LARS2: variants seen among roughly 807,000 people sequenced by gnomAD.
LARS2 encodes leucine--tRNA ligase, mitochondrial.
Under a neutral mutation model 116.6 loss-of-function variants are expected in LARS2, and 81 were observed. The observed-to-expected ratio is 0.69, with a 90% CI of 0.58 to 0.84. The LOEUF (loss-of-function observed/expected upper bound fraction) is 0.84. Ranked by LOEUF, LARS2 falls within the 40% of genes least tolerant of loss-of-function variation. LARS2 has a pLI of 0.00. For synonymous variants in LARS2, 396 were observed against 407.2 expected (o/e 0.97, Z 0.33); for missense variants, 968 against 1,114.5 (o/e 0.87, Z 1.87).
At chr3:45,536,916 T>G (rs191631817) in intron 20 of LARS2, among the ~76,000 whole-genome samples, 1 of 152,288 alleles carries the variant, frequency 6.6e-6, no homozygotes, top group East Asian at 1.9e-4. Context: ...TTACTGTTCT[T>G]TAGAGTAGTT....
intron 20 of LARS2, among the ~76,000 whole-genome samples, chr3:45,537,457 T>C (rs115360691): frequency 0.048 from 7,311 of 152,298 alleles, 183 homozygotes; most frequent in Middle Eastern, 0.085. Context: ...AACGTAAAAA[T>C]CATGTAAAAG....
At chr3:45,400,901 C>A (rs533237073) in intron 4 of LARS2, among the ~76,000 whole-genome samples, 4 of 152,042 alleles carry the variant, frequency 2.6e-5, no homozygotes, top group Non-Finnish European at 4.4e-5. Context: ...GCAACCTCCC[C>A]CTCCCGGGTT....
chr3:45,469,534 C>T (rs3774690), intron 8 of LARS2, among the ~76,000 whole-genome samples: 40,588 of 151,840 alleles, frequency 0.27, 5,751 homozygotes, highest in Middle Eastern at 0.4. Context: ...TTGTTAGAGA[C>T]GGGGTTTCAC....
At chr3:45,414,114 T>C (rs540302198) in intron 4 of LARS2, among the ~76,000 whole-genome samples, 12 of 152,342 alleles carry the variant, frequency 7.9e-5, no homozygotes, top group African/African-American at 2.9e-4. Context: ...GTTAAGAGTA[T>C]ATACAAAGAT....
intron 21 of LARS2, among the ~76,000 whole-genome samples, chr3:45,545,276 G>T (rs753706017): frequency 2.0e-5 from 3 of 152,256 alleles, no homozygotes; most frequent in Non-Finnish European, 2.9e-5. Flanking sequence ...GATGGGGACA[G>T]GTGATGGATT....
intron 20 of LARS2, among the ~76,000 whole-genome samples, chr3:45,530,417 G>A (rs987061675): frequency 2.0e-5 from 3 of 152,152 alleles, no homozygotes; most frequent in Non-Finnish European, 4.4e-5. Flanking sequence ...ATACTCAGGA[G>A]GCTGAGGCAG....
intron 5 of LARS2, 105 bp downstream of exon 5, chr3:45,417,678 G>C: frequency 1.5e-6 from 1 of 687,442 alleles, no homozygotes; most frequent in Non-Finnish European, 2.6e-6. Context: ...AAACACTGCA[G>C]CGTACCAAGA....
chr3:45,548,357 G>A lies in LARS2; in HGVS notation c.*827G>A, dbSNP rs1201505601. The A allele has an allele frequency of 6.6e-6, 1 of 152,304 alleles. No individual in the cohort carries two copies. The highest frequency in any genetic ancestry group is 1.5e-5 in the Non-Finnish European group (1 of 68,100). 9.4% of individuals were successfully genotyped at this position (152,304 alleles called of 1,614,324 possible). On this transcript the variant is annotated 3_prime_UTR_variant, in exon 22 of 22. Coordinates refer to ENST00000645846, the MANE Select transcript of LARS2 (RefSeq NM_015340.4). ...GAAGTGGAACCAGGCTCAGGCTGCT[G>A]GTCCCAACCTCAGAGCCCCACCGCA...
chr3:45,412,763 A>T (rs949072453), intron 4 of LARS2, among the ~76,000 whole-genome samples: 2 of 152,204 alleles, frequency 1.3e-5, no homozygotes, highest in Non-Finnish European at 2.9e-5. Context: ...CAAGCTTGAG[A>T]GGTCCACAGG....
At chr3:45,445,069 C>T (rs1230501028) in intron 6 of LARS2, among the ~76,000 whole-genome samples, 1 of 152,130 alleles carries the variant, frequency 6.6e-6, no homozygotes. Context: ...ACCCCTTACC[C>T]ACATCCCCTA....
chr3:45,480,441 T>C (rs1699680135), intron 10 of LARS2, among the ~76,000 whole-genome samples: 2 of 152,244 alleles, frequency 1.3e-5, no homozygotes, highest in Non-Finnish European at 2.9e-5. Context: ...TTCTTTCCAG[T>C]GGGTGCCCTG....
chr3:45,470,799 A>G (rs1243580612), intron 8 of LARS2, among the ~76,000 whole-genome samples: 1 of 152,152 alleles, frequency 6.6e-6, no homozygotes, highest in African/African-American at 2.4e-5. Context: ...ATTAGAGGAG[A>G]GAAAGGGCAT....
intron 15 of LARS2, among the ~76,000 whole-genome samples, chr3:45,501,005 T>C (rs908622263): frequency 5.9e-5 from 9 of 151,676 alleles, no homozygotes; most frequent in Admixed American, 4.6e-4. Context: ...GAGAATCACA[T>C]TGTAAAAACA....
chr3:45,476,554 G>C lies in LARS2; in HGVS notation c.945G>C (p.Ser315=), dbSNP rs145135580. 2.9e-3 allele frequency: 4,607 copies of C among 1,614,020 alleles called. 27 individuals are homozygous for C. The highest frequency in any genetic ancestry group is 2.5e-3 in the Non-Finnish European group (2,932 of 1,180,010). ...ATGGCACCTCCCACGTGGCCATCTC[G>C]CCCAGCCACAGACTCCTACATGGGC... is the stretch of plus-strand genomic sequence containing the variant. ...AIYGTSHVAI[S]PSHRLLHGHS... Residue 315 remains serine (S), a synonymous_variant, in exon 10 of 22, where the codon TCG becomes TCC. Coordinates refer to ENST00000645846, the MANE Select transcript of LARS2 (RefSeq NM_015340.4).
chr3:45,398,340 T>C (rs1447299330), intron 3 of LARS2, among the ~76,000 whole-genome samples: 1 of 152,228 alleles, frequency 6.6e-6, no homozygotes, highest in African/African-American at 2.4e-5. Flanking sequence ...ATTTGGTTTA[T>C]GTGTATTATC....
chr3:45,485,912 C>A, intron 11 of LARS2, 116 bp downstream of exon 11: 1 of 584,038 alleles, frequency 1.7e-6, no homozygotes. Context: ...TCTGATTTGC[C>A]TCCTCATAAA....
At chr3:45,509,664 G>A (rs1399018332) in intron 15 of LARS2, 1 of 152,108 alleles carries the variant, frequency 6.6e-6, no homozygotes, top group African/African-American at 2.4e-5. Flanking sequence ...CTACGCATGA[G>A]AGTAGACATG....
Position 45,400,313 on chromosome 3 carries a change from T to C in LARS2, c.303T>C (p.His101=). 5 of 1,614,112 alleles carry C rather than the reference T, an allele frequency of 3.1e-6. No individual in the cohort carries two copies. The highest frequency in any genetic ancestry group is 1.3e-5 in the African/African-American group (1 of 75,058). Residue 101 remains histidine, a synonymous_variant, in exon 4 of 22, where the codon CAT becomes CAC. Coordinates refer to ENST00000645846, the MANE Select transcript of LARS2 (RefSeq NM_015340.4). ...CTTCTGGTAAGCTGCACATGGGCCA[T>C]GTGCGTGTCTACACCATCAGCGACA... ...PYPSGKLHMG[H]VRVYTISDTI...
chr3:45,501,811 G>A (rs563649353), intron 15 of LARS2, among the ~76,000 whole-genome samples: 39 of 149,790 alleles, frequency 2.6e-4, no homozygotes, highest in African/African-American at 7.7e-4. Flanking sequence ...TGAGGGATCC[G>A]ATCACTCTAC....
Sources: gnomAD v4.1 joint callset for allele counts (sites outside exome capture counted in the v4.1 genomes callset) on GRCh38, gnomAD v4.1.1 for gene constraint, MANE v1.5 for transcripts, NCBI Gene and HGNC (gene_info 2026-07-23, HGNC 2026-07-21) for gene names.